Variants in R3HCC1L observed in about 807,000 individuals in gnomAD.
R3HCC1L encodes the protein coiled-coil domain-containing protein R3HCC1L.
Under a neutral mutation model 59.9 loss-of-function variants are expected in R3HCC1L, and 51 were observed. That is an observed-to-expected ratio of 0.85 (90% CI 0.68 to 1.07). The LOEUF is 1.07. Ranked by LOEUF, R3HCC1L falls within the 50% of genes least tolerant of loss-of-function variation. The pLI, the probability that R3HCC1L is intolerant of heterozygous loss-of-function variation, is 0.00. For synonymous variants in R3HCC1L, 322 were observed against 315.2 expected (o/e 1.02, Z -0.23); for missense variants, 965 against 933.0 (o/e 1.03, Z -0.45).
chr10:98,189,895 G>C (rs560465009), intron 4 of R3HCC1L, among the ~76,000 whole-genome samples: 131 of 152,228 alleles, frequency 8.6e-4, no homozygotes, highest in African/African-American at 3.0e-3. Flanking sequence ...TAAGTGAAGC[G>C]CCTGTGCAGG....
chr10:98,142,944 AC>A (rs1486674785), intron 1 of R3HCC1L, among the ~76,000 whole-genome samples: 1 of 150,590 alleles, frequency 6.6e-6, no homozygotes, highest in East Asian at 1.9e-4. Flanking sequence ...CCAAAAAAAA[AC>A]AAACAAACAA....
chr10:98,207,991 C>T (rs1202271268), intron 4 of R3HCC1L, 110 bp from the exon 5 acceptor site: 6 of 1,049,806 alleles, frequency 5.7e-6, no homozygotes, highest in Non-Finnish European at 6.8e-6. Context: ...CTCCACTGTA[C>T]TCTAGCCTGG....
chr10:98,196,658 A>G (rs150753609), intron 4 of R3HCC1L, among the ~76,000 whole-genome samples: 86 of 152,272 alleles, frequency 5.6e-4, no homozygotes, highest in African/African-American at 1.9e-3. Context: ...TTCAGATTCT[A>G]TGATTAATCT....
chr10:98,219,567 T>C (rs1016616816), intron 5 of R3HCC1L, among the ~76,000 whole-genome samples: 1 of 152,224 alleles, frequency 6.6e-6, no homozygotes, highest in Admixed American at 6.5e-5. Flanking sequence ...AACATTTGAC[T>C]TCTTTCTCTC....
chr10:98,206,798 T>C (rs754142372), intron 4 of R3HCC1L, among the ~76,000 whole-genome samples: 3 of 152,188 alleles, frequency 2.0e-5, no homozygotes, highest in Non-Finnish European at 4.4e-5. Context: ...CTTTGAAAAT[T>C]AGGCATTTTT....
At chr10:98,139,129 T>C (rs1341334641) in intron 1 of R3HCC1L, among the ~76,000 whole-genome samples, 3 of 152,192 alleles carry the variant, frequency 2.0e-5, no homozygotes, top group African/African-American at 7.2e-5. Flanking sequence ...GCATGGAGTT[T>C]GAGTCTGTGA....
intron 5 of R3HCC1L, among the ~76,000 whole-genome samples, chr10:98,223,701 G>A (rs1590787369): frequency 6.6e-6 from 1 of 152,044 alleles, no homozygotes; most frequent in Non-Finnish European, 1.5e-5. Context: ...AGTGGAAGCT[G>A]TAGTAGAACT....
intron 1 of R3HCC1L, among the ~76,000 whole-genome samples, chr10:98,141,817 A>G (rs1845164042): frequency 6.6e-6 from 1 of 152,182 alleles, no homozygotes; most frequent in Non-Finnish European, 1.5e-5. Flanking sequence ...ACTTTTTGTG[A>G]CCAAGCCTTA....
chr10:98,143,299 C>T (rs1845346959), intron 1 of R3HCC1L, among the ~76,000 whole-genome samples: 1 of 152,220 alleles, frequency 6.6e-6, no homozygotes, highest in South Asian at 2.1e-4. Flanking sequence ...GTAATTCTCT[C>T]TTACCATCAC....
At chr10:98,165,943 G>A (rs1233615354) in intron 4 of R3HCC1L, among the ~76,000 whole-genome samples, 2 of 152,146 alleles carry the variant, frequency 1.3e-5, no homozygotes, top group Admixed American at 6.5e-5. Context: ...AGGCCAAGGC[G>A]GGTGGCTCAC....
chr10:98,227,730 C>T (rs1021472047), intron 5 of R3HCC1L, among the ~76,000 whole-genome samples: 3 of 152,056 alleles, frequency 2.0e-5, no homozygotes, highest in East Asian at 1.9e-4. Context: ...ATCCCTCCCC[C>T]CTTCCCCCAC....
At chr10:98,183,056 A>G (rs185633891) in intron 4 of R3HCC1L, among the ~76,000 whole-genome samples, 529 of 152,166 alleles carry the variant, frequency 3.5e-3, no homozygotes, top group Non-Finnish European at 5.9e-3. Flanking sequence ...CCACTGTCCA[A>G]CCAGTCCCAA....
At position 98,209,750 on chromosome 10, in the gene R3HCC1L, C is replaced by T. The variant is rs35122894; in HGVS notation, c.1636C>T (p.Pro546Ser). The T allele has an allele frequency of 0.026, 41,367 of 1,613,810 alleles. 661 individuals carry two copies. The highest frequency in any genetic ancestry group is 0.03 in the Non-Finnish European group (35,026 of 1,179,840). ...SGSIEFGVSF[P>S]DRESSSMETS... is the part of the protein sequence containing the mutation. ...GAGTATAGAATTTGGTGTATCTTTTCCTGATAGGGAATCATCATCTATGGA... is the reference window on the plus strand; with the variant it reads ...GAGTATAGAATTTGGTGTATCTTTTTCTGATAGGGAATCATCATCTATGGA... The change falls in exon 5 of 10, where the codon CCT becomes TCT. Residue 546 changes from proline (P) to serine (S), a missense_variant. By Grantham distance (74) the Pro-to-Ser change is moderately conservative. Transcript: ENST00000298999.
chr10:98,140,638 TG>T (rs1845050246), intron 1 of R3HCC1L, among the ~76,000 whole-genome samples: 1 of 152,192 alleles, frequency 6.6e-6, no homozygotes, highest in African/African-American at 2.4e-5. Context: ...ATTGGATTTT[TG>T]TCTGTTATTT....
chr10:98,234,069 C>T (rs1856663539), intron 6 of R3HCC1L, among the ~76,000 whole-genome samples: 1 of 151,610 alleles, frequency 6.6e-6, no homozygotes, highest in African/African-American at 2.4e-5. Flanking sequence ...TGCCTACCTA[C>T]TCCTCTTATA....
chr10:98,231,621 T>C lies in R3HCC1L; in HGVS notation c.1895T>C (p.Ile632Thr), dbSNP rs564684866. Residue 632 changes from isoleucine (I) to threonine (T), a missense_variant, in exon 6 of 10, where the codon ATT (isoleucine) becomes ACT (threonine). Transcript: ENST00000298999. ...AGTGATTGTGAATTCCCACATGTCA[T>C]TGAAATTTATGACTTTCCCCAAGAA... ...DLSDCEFPHV[I>T]EIYDFPQEFH... The C allele has an allele frequency of 2.5e-6, 4 of 1,612,648 alleles. No homozygotes were observed. Among genetic ancestry groups the C allele is most frequent in the Non-Finnish European group, 3.4e-6 (4 of 1,179,012 alleles).
intron 5 of R3HCC1L, among the ~76,000 whole-genome samples, chr10:98,220,757 AT>A (rs1351726233): frequency 2.0e-5 from 3 of 151,830 alleles, no homozygotes; most frequent in African/African-American, 7.3e-5. Context: ...ATGTGCCACA[AT>A]TTCTTAATCC....
Position 98,244,461 on chromosome 10 carries a change from A to G in R3HCC1L, c.*303A>G. 1 of 268,270 alleles carries G rather than the reference A, an allele frequency of 3.7e-6. No homozygotes were observed. Among genetic ancestry groups the G allele is most frequent in the Non-Finnish European group, 7.3e-6 (1 of 137,154 alleles). 16.6% of individuals were successfully genotyped at this position (268,270 alleles called of 1,614,324 possible). On this transcript the variant is annotated 3_prime_UTR_variant, in exon 10 of 10. Coordinates refer to ENST00000298999, the MANE Select transcript of R3HCC1L (RefSeq NM_001351015.2). Reference sequence around the variant, plus strand: ...GGCAAGTCATGTTAGCGTGGGTCACACTTCCAAGATATTTAAAGCAAATAC... The same window carrying G: ...GGCAAGTCATGTTAGCGTGGGTCACGCTTCCAAGATATTTAAAGCAAATAC...
intron 4 of R3HCC1L, among the ~76,000 whole-genome samples, chr10:98,206,224 T>C (rs539350180): frequency 7.5e-6 from 1 of 132,554 alleles, no homozygotes; most frequent in African/African-American, 2.8e-5. Context: ...ATCACATCAC[T>C]ATTTTGGGGC....
Sources: allele counts gnomAD v4.1 joint callset (sites outside exome capture counted in the v4.1 genomes callset), GRCh38; gene constraint gnomAD v4.1.1; transcripts MANE v1.5; gene names NCBI Gene and HGNC (gene_info 2026-07-23, HGNC 2026-07-21).